TENM4: variants seen among roughly 807,000 people sequenced by gnomAD.
The protein encoded by TENM4 is teneurin transmembrane protein 4.
TENM4 carries 82 observed loss-of-function variants against 243.3 expected under a neutral mutation model. The observed-to-expected ratio is 0.34, with a 90% confidence interval of 0.28 to 0.40. TENM4 has a LOEUF of 0.40. TENM4 is among the 10% of genes least tolerant of loss of function. The pLI is 1.00. For missense variants in TENM4, 3,138 were observed against 3,673.3 expected, an observed-to-expected ratio of 0.85 and a Z score of 3.77; for synonymous variants, 1,412 against 1,456.3, an observed-to-expected ratio of 0.97 and a Z score of 0.69.
At chr11:78,848,442 A>C (rs1311318623) in intron 12 of TENM4, among the ~76,000 whole-genome samples, 1 of 152,184 alleles carries the variant, frequency 6.6e-6, no homozygotes, top group Non-Finnish European at 1.5e-5. Flanking sequence ...TTTTCTGCCT[A>C]CTGAACTTTC....
At chr11:79,340,633 A>T (rs1857226812) in intron 1 of TENM4, among the ~76,000 whole-genome samples, 1 of 151,916 alleles carries the variant, frequency 6.6e-6, no homozygotes, top group South Asian at 2.1e-4. Context: ...ACTTTTTCCC[A>T]TTGCCATGAA....
intron 1 of TENM4, among the ~76,000 whole-genome samples, chr11:79,415,954 A>G (rs1858804027): frequency 6.6e-6 from 1 of 151,002 alleles, no homozygotes; most frequent in Admixed American, 6.6e-5. Flanking sequence ...ATTACTCTGC[A>G]ATTTGTGAAA....
chr11:79,346,365 G>A (rs1319774667), intron 1 of TENM4, among the ~76,000 whole-genome samples: 1 of 152,016 alleles, frequency 6.6e-6, no homozygotes, highest in South Asian at 2.1e-4. Flanking sequence ...CTGCCTTCGG[G>A]GGTGTTTGAG....
At chr11:78,683,830 G>T (rs966955591) in intron 29 of TENM4, among the ~76,000 whole-genome samples, 1 of 152,152 alleles carries the variant, frequency 6.6e-6, no homozygotes, top group Non-Finnish European at 1.5e-5. Flanking sequence ...GAAACTTACG[G>T]TGAAAAAAGC....
chr11:78,699,484 A>G (rs746306245), intron 28 of TENM4, among the ~76,000 whole-genome samples: 5 of 152,212 alleles, frequency 3.3e-5, no homozygotes, highest in Non-Finnish European at 7.3e-5. Flanking sequence ...AGCCTGGCAC[A>G]TAGTAGGATC....
chr11:78,898,678 A>G (rs1459170772), intron 7 of TENM4, among the ~76,000 whole-genome samples: 2 of 152,124 alleles, frequency 1.3e-5, no homozygotes, highest in African/African-American at 4.8e-5. Context: ...AAGTATACAT[A>G]TTCATTCATT....
intron 1 of TENM4, among the ~76,000 whole-genome samples, chr11:79,420,472 C>G (rs1174459395): frequency 1.3e-5 from 2 of 152,128 alleles, no homozygotes; most frequent in Non-Finnish European, 2.9e-5. Context: ...CTGAAGAAAC[C>G]CTACTCTTGT....
intron 2 of TENM4, among the ~76,000 whole-genome samples, chr11:79,263,563 C>T (rs1855833918): frequency 6.6e-6 from 1 of 152,178 alleles, no homozygotes; most frequent in African/African-American, 2.4e-5. Flanking sequence ...TCCATGTAGA[C>T]AATAAATGCT....
At chr11:79,371,444 G>A (rs998927349) in intron 1 of TENM4, among the ~76,000 whole-genome samples, 3 of 152,124 alleles carry the variant, frequency 2.0e-5, no homozygotes, top group African/African-American at 7.2e-5. Context: ...ACCTCTACCA[G>A]TTTGGGATAT....
chr11:79,185,581 G>A (rs780109442), intron 3 of TENM4, among the ~76,000 whole-genome samples: 16 of 152,112 alleles, frequency 1.1e-4, no homozygotes, highest in Non-Finnish European at 1.9e-4. Context: ...AATCAATGTG[G>A]AATTTTCCAC....
rs973326376 is a variant in TENM4 at position 79,048,902 on chromosome 11, C to G, written c.493+15836G>C. Among the ~76,000 whole-genome samples the G allele has an allele frequency of 1.4e-4, 22 of 152,168 alleles. 1 individual carries two copies. Among genetic ancestry groups the G allele is most frequent in the African/African-American group, 5.3e-4 (22 of 41,434 alleles). Reference sequence around the variant, plus strand: ...GTCTGTGGTCCCATCCCAGATCTCCCTTGGTCGGTGCTTAGAACCTCAGGG... The same window carrying G: ...GTCTGTGGTCCCATCCCAGATCTCCGTTGGTCGGTGCTTAGAACCTCAGGG... On this transcript the variant is annotated intron_variant, in intron 6 of 33. Transcript: ENST00000278550.
intron 25 of TENM4, among the ~76,000 whole-genome samples, chr11:78,714,059 T>A (rs189804129): frequency 3.9e-4 from 59 of 152,240 alleles, no homozygotes; most frequent in African/African-American, 1.4e-3. Flanking sequence ...AGGCATAAAC[T>A]GTGCTAAGAG....
chr11:78,791,223 T>C (rs1857049546), intron 15 of TENM4, among the ~76,000 whole-genome samples: 1 of 152,248 alleles, frequency 6.6e-6, no homozygotes, highest in Admixed American at 6.5e-5. Flanking sequence ...CCTCAAGTCA[T>C]AGTCCCTATT....
At chr11:79,319,210 C>G (rs1443513510) in intron 1 of TENM4, among the ~76,000 whole-genome samples, 1 of 152,124 alleles carries the variant, frequency 6.6e-6, no homozygotes. Flanking sequence ...ACTCCAAATC[C>G]CTTTTCCTTA....
In TENM4 at chr11:79,429,934, T is replaced by G. The variant is rs536727801; in HGVS notation, c.-321+10575A>C. On this transcript the variant is annotated intron_variant, in intron 1 of 33. Coordinates refer to ENST00000278550, the MANE Select transcript of TENM4 (RefSeq NM_001098816.3). ...AAAGAAAACTATGGCACACAGACAT[T>G]AAGTAATTTGACCAAGGTCCCACAG... is the stretch of plus-strand genomic sequence containing the variant. Among the ~76,000 whole-genome samples, 95 of 152,250 alleles carry G rather than the reference T, an allele frequency of 6.2e-4. 3 individuals are homozygous for G. The South Asian group carries it at 0.019, about 31-fold the overall frequency.
chr11:78,735,200 T>A (rs890819315), intron 20 of TENM4, among the ~76,000 whole-genome samples: 1 of 152,206 alleles, frequency 6.6e-6, no homozygotes, highest in African/African-American at 2.4e-5. Flanking sequence ...ATCACCCGTT[T>A]GCCTGTTCCT....
intron 25 of TENM4, among the ~76,000 whole-genome samples, chr11:78,715,450 A>G (rs1859500047): frequency 6.6e-6 from 1 of 152,162 alleles, no homozygotes; most frequent in Non-Finnish European, 1.5e-5. Context: ...CTGAGTTTCC[A>G]GCTCCTGTCT....
intron 2 of TENM4, among the ~76,000 whole-genome samples, chr11:79,235,759 G>A (rs774395409): frequency 2.0e-5 from 3 of 152,118 alleles, no homozygotes; most frequent in Admixed American, 6.5e-5. Context: ...CTGGTCTGTG[G>A]CTCTATGGAA....
chr11:79,335,137 G>A (rs776493117), intron 1 of TENM4, among the ~76,000 whole-genome samples: 3 of 152,158 alleles, frequency 2.0e-5, no homozygotes, highest in Non-Finnish European at 2.9e-5. Flanking sequence ...GGGAGCTCCC[G>A]GAGGACAGGG....
Sources: gnomAD v4.1 joint callset for allele counts (sites outside exome capture counted in the v4.1 genomes callset) on GRCh38, gnomAD v4.1.1 for gene constraint, MANE v1.5 for transcripts, NCBI Gene and HGNC (gene_info 2026-07-23, HGNC 2026-07-21) for gene names.